ZNF592: variants seen among roughly 807,000 people sequenced by gnomAD.
The protein encoded by ZNF592 is spinocerebellar ataxia, autosomal recessive 5.
Under a neutral mutation model 80.3 loss-of-function variants are expected in ZNF592, and 11 were observed. The ratio of observed to expected loss-of-function variants is 0.14; its 90% CI spans 0.09 to 0.23. The LOEUF is 0.23. Among genes scored for constraint, ZNF592 ranks in the 10% least tolerant of loss-of-function variants. ZNF592 has a pLI of 1.00. For synonymous variants in ZNF592, 646 were observed against 640.3 expected, an observed-to-expected ratio of 1.01 and a Z score of -0.13; for missense variants, 1,420 against 1,633.9, an observed-to-expected ratio of 0.87 and a Z score of 2.26.
chr15:84,784,001 C>A lies in ZNF592; in HGVS notation c.1326C>A (p.Pro442=). 6.2e-7 allele frequency: 1 copy of A among 1,611,054 alleles called. No individual in the cohort carries two copies. The highest frequency in any genetic ancestry group is 1.7e-4 in the Middle Eastern group (1 of 6,048). ...AGGCAGGCACAAATTCAGGGAGCCC[C>A]CAGGGGGCCAGGAAAGGGGACGAGA... The part of the protein sequence containing the change: ...FPEAGTNSGS[P]QGARKGDESM... The change falls in exon 4 of 11, where the codon CCC becomes CCA. Residue 442 remains proline, a synonymous_variant. Transcript: ENST00000560079. This position sits in a 1 kb window ranked among gnomAD's most constrained non-coding sequence, Gnocchi z 5.8.
intron 2 of ZNF592, among the ~76,000 whole-genome samples, chr15:84,769,414 C>T (rs567235331): frequency 6.6e-5 from 10 of 151,624 alleles, no homozygotes; most frequent in Non-Finnish European, 1.3e-4. Context: ...ATTGGTGTCT[C>T]ATGTAGAACG....
At chr15:84,753,582 C>T (rs1468638520) in intron 1 of ZNF592, 1 of 152,258 alleles carries the variant, frequency 6.6e-6, no homozygotes, top group African/African-American at 2.4e-5. Flanking sequence ...CAGCGATTCT[C>T]CTGCCTCAGC....
At chr15:84,764,321 GA>G (rs1444104369) in intron 1 of ZNF592, among the ~76,000 whole-genome samples, 1 of 152,196 alleles carries the variant, frequency 6.6e-6, no homozygotes, top group African/African-American at 2.4e-5. Flanking sequence ...TTTGCTATGT[GA>G]AAGACAGTGT....
Position 84,799,880 on chromosome 15 carries a change from C to A in ZNF592, c.3176C>A (p.Ser1059Tyr). 6.2e-7 allele frequency: 1 copy of A among 1,614,214 alleles called. No homozygotes were observed. The highest frequency in any genetic ancestry group is 2.2e-5 in the East Asian group (1 of 44,884). Reference sequence around the variant, plus strand: ...GACAGCCCCAGCTTTCCTCGGCCCTCCCTTCTGGAGAGCCACATCAGCCTT... The same window carrying A: ...GACAGCCCCAGCTTTCCTCGGCCCTACCTTCTGGAGAGCCACATCAGCCTT... ...TEDSPSFPRP[S>Y]LLESHISLMH... is the part of the protein sequence containing the mutation. The change falls in exon 10 of 11, where the codon TCC becomes TAC. Residue 1059 changes from serine (S) to tyrosine (Y), a missense_variant. This residue lies in a region of ZNF592 where 331 missense variants were observed against 347.0 expected (regional missense o/e 0.95). Transcript: ENST00000560079. This position sits in a 1 kb window ranked among gnomAD's most constrained non-coding sequence, Gnocchi z 4.2.
chr15:84,782,306 A>G (rs1241316838), intron 3 of ZNF592, among the ~76,000 whole-genome samples: 1 of 152,192 alleles, frequency 6.6e-6, no homozygotes, highest in African/African-American at 2.4e-5. Context: ...GCTTTTTGCT[A>G]GTGCACATGA....
chr15:84,777,917 CTCCAA>C (rs1341975084), intron 2 of ZNF592, among the ~76,000 whole-genome samples: 9 of 152,012 alleles, frequency 5.9e-5, no homozygotes, highest in Non-Finnish European at 1.2e-4. Context: ...AGCCAGGAGT[CTCCAA>C]CTCGTGACCT....
chr15:84,754,112 G>A (rs1417665517), intron 1 of ZNF592, among the ~76,000 whole-genome samples: 2 of 152,210 alleles, frequency 1.3e-5, no homozygotes, highest in African/African-American at 4.8e-5. Context: ...ATGGCTCAGA[G>A]AAAAGTTAAT....
rs201486461 is a variant in ZNF592, at chr15:84,782,941, G to A, written c.266G>A (p.Ser89Asn). Residue 89 changes from serine to asparagine, a missense_variant, in exon 4 of 11, where the codon AGT becomes AAT. By Grantham distance (46) the Ser-to-Asn change is conservative. Coordinates refer to ENST00000560079, the MANE Select transcript of ZNF592 (RefSeq NM_014630.3). ...FEAEKDHITP[S>N]LLHNGFRGSD... ...GCGGAGAAAGACCACATTACTCCCA[G>A]TCTCCTACACAATGGATTCCGGGGC... The A allele has an allele frequency of 6.2e-6, 10 of 1,614,188 alleles. No homozygotes were observed. The Admixed American group carries it at 1.5e-4, about 24-fold the overall frequency.
At position 84,799,222 on chromosome 15, in the gene ZNF592, G is replaced by A. The variant is rs1963023777; in HGVS notation, c.3137+12G>A. 6.2e-7 allele frequency: 1 copy of A among 1,613,420 alleles called. No individual in the cohort carries two copies. Among genetic ancestry groups the A allele is most frequent in the Non-Finnish European group, 8.5e-7 (1 of 1,179,460 alleles). Reference sequence around the variant, plus strand: ...TTCTACACCTGCGGGTGAGTCCCTGGGGATAGTAGTGAGGAGGCCTGAGGT... The same window carrying A: ...TTCTACACCTGCGGGTGAGTCCCTGAGGATAGTAGTGAGGAGGCCTGAGGT... On this transcript the variant is annotated intron_variant, in intron 9 of 10. Transcript: ENST00000560079. This position sits in a 1 kb window ranked among gnomAD's most constrained non-coding sequence, Gnocchi z 4.2.
intron 2 of ZNF592, among the ~76,000 whole-genome samples, chr15:84,774,824 A>C (rs142043489): frequency 1.4e-4 from 21 of 152,278 alleles, no homozygotes; most frequent in African/African-American, 5.1e-4. Context: ...TCTGTTGCTC[A>C]GGCTGGAGTA....
Position 84,784,991 on chromosome 15 carries a change from T to A in ZNF592, c.2220+96T>A, listed in dbSNP as rs1962550312. The A allele has an allele frequency of 2.2e-6, 3 of 1,367,662 alleles. No homozygotes were observed. The highest frequency in any genetic ancestry group is 4.6e-5 in the East Asian group (2 of 43,460). 84.7% of individuals were successfully genotyped at this position (1,367,662 alleles called of 1,614,324 possible). Reference sequence around the variant, plus strand: ...GGAAAGCTCATTGATATGGGGGCAGTGGTGGAATCTTATGAGTCTTAGAAG... The same window carrying A: ...GGAAAGCTCATTGATATGGGGGCAGAGGTGGAATCTTATGAGTCTTAGAAG... On this transcript the variant is annotated intron_variant, in intron 4 of 10. Transcript: ENST00000560079. This position sits in a 1 kb window ranked among gnomAD's most constrained non-coding sequence, Gnocchi z 5.8.
chr15:84,780,473 T>C (rs1277916819), intron 3 of ZNF592, among the ~76,000 whole-genome samples: 1 of 152,244 alleles, frequency 6.6e-6, no homozygotes, highest in East Asian at 1.9e-4. Context: ...CAACACCTCC[T>C]GTTCCAAGAG....
At chr15:84,767,398 C>T (rs1303235560) in intron 2 of ZNF592, among the ~76,000 whole-genome samples, 1 of 152,048 alleles carries the variant, frequency 6.6e-6, no homozygotes, top group South Asian at 2.1e-4. Flanking sequence ...CTGCTGGCTT[C>T]TTGCTTAAAT....
intron 3 of ZNF592, among the ~76,000 whole-genome samples, chr15:84,778,733 CTCTT>C (rs1962338156): frequency 6.6e-6 from 1 of 152,192 alleles, no homozygotes; most frequent in Non-Finnish European, 1.5e-5. Context: ...TGGGCGATGA[CTCTT>C]TCTGGCTACT....
intron 3 of ZNF592, among the ~76,000 whole-genome samples, chr15:84,781,298 T>G (rs990235298): frequency 1.3e-5 from 2 of 152,168 alleles, no homozygotes; most frequent in Non-Finnish European, 2.9e-5. Context: ...TCCACTCACC[T>G]TGGCCTTCCA....
chr15:84,753,107 AGAAT>A (rs1432247113), intron 1 of ZNF592: 1 of 152,266 alleles, frequency 6.6e-6, no homozygotes, highest in Non-Finnish European at 1.5e-5. Flanking sequence ...ATTAATTGAT[AGAAT>A]GAATAATTCT....
chr15:84,749,627 G>T (rs1038110513), intron 1 of ZNF592, among the ~76,000 whole-genome samples: 4 of 152,190 alleles, frequency 2.6e-5, no homozygotes, highest in Non-Finnish European at 5.9e-5. Context: ...TTGGCTTATG[G>T]TTTGCCCACT....
chr15:84,771,201 C>A (rs1252372868), intron 2 of ZNF592, among the ~76,000 whole-genome samples: 3 of 152,130 alleles, frequency 2.0e-5, no homozygotes. Flanking sequence ...GATGAGAAAA[C>A]GAATGATTCC....
At chr15:84,779,093 G>A (rs1962348902) in intron 3 of ZNF592, among the ~76,000 whole-genome samples, 2 of 152,182 alleles carry the variant, frequency 1.3e-5, no homozygotes, top group Non-Finnish European at 2.9e-5. Flanking sequence ...AGGGAGGGGG[G>A]CTCCAAAGCC....
Sources: gnomAD v4.1 joint callset for allele counts (sites outside exome capture counted in the v4.1 genomes callset) on GRCh38, gnomAD v4.1.1 for gene constraint, gnomAD v4.1.1 regional missense constraint, Gnocchi (gnomAD v3.1) non-coding constraint, MANE v1.5 for transcripts, NCBI Gene and HGNC (gene_info 2026-07-23, HGNC 2026-07-21) for gene names.